Variants in DNAJB6 observed in about 807,000 individuals in gnomAD.
DNAJB6 encodes dnaJ homolog subfamily B member 6.
Under a neutral mutation model 42.7 loss-of-function variants are expected in DNAJB6, and 16 were observed. That is an observed-to-expected ratio of 0.37 (90% CI 0.25 to 0.57). The LOEUF (loss-of-function observed/expected upper bound fraction) is 0.57, where lower values mean the gene tolerates loss of function less well. Ranked by LOEUF, DNAJB6 falls within the 20% of genes least tolerant of loss-of-function variation. DNAJB6 has a pLI of 0.74. For synonymous variants in DNAJB6, 170 were observed against 163.5 expected, an observed-to-expected ratio of 1.04 and a Z score of -0.30; for missense variants, 347 against 416.8, an observed-to-expected ratio of 0.83 and a Z score of 1.46.
rs186856943 is a variant in DNAJB6 at position 157,341,370 on chromosome 7, C to T, written c.-27+4226C>T. 2.2e-3 allele frequency among the ~76,000 whole-genome samples: 327 copies of T among 152,022 alleles called. 2 individuals are homozygous for T. The highest frequency in any genetic ancestry group is 3.5e-3 in the Admixed American group (53 of 15,270). On this transcript the variant is annotated intron_variant, in intron 1 of 9. Transcript: ENST00000262177. Reference sequence around the variant, plus strand: ...TGAACTCTTGACCTCGTGATCCACCCGCCTCGGCCTCCCAAAGTGGTGGGA... The same window carrying T: ...TGAACTCTTGACCTCGTGATCCACCTGCCTCGGCCTCCCAAAGTGGTGGGA...
At chr7:157,367,295 A>G (rs1343602990) in intron 4 of DNAJB6, 78 bp from the exon 5 acceptor site, 3 of 952,980 alleles carry the variant, frequency 3.1e-6, no homozygotes, top group Non-Finnish European at 5.1e-6. Flanking sequence ...TGATTTGTAT[A>G]ATGTTTTGTC....
At chr7:157,403,206 C>A (rs1042293840) in intron 8 of DNAJB6, among the ~76,000 whole-genome samples, 1 of 152,078 alleles carries the variant, frequency 6.6e-6, no homozygotes, top group African/African-American at 2.4e-5. Context: ...ACACAATCCA[C>A]ATATGAGAGG....
intron 8 of DNAJB6, among the ~76,000 whole-genome samples, chr7:157,409,212 G>T (rs186652273): frequency 3.0e-4 from 46 of 152,234 alleles, no homozygotes; most frequent in African/African-American, 1.0e-3. Flanking sequence ...ACTTTTCAGA[G>T]CGTTGAGAAG....
chr7:157,397,592 A>G (rs956286057), intron 8 of DNAJB6, among the ~76,000 whole-genome samples: 5 of 152,120 alleles, frequency 3.3e-5, no homozygotes, highest in African/African-American at 1.2e-4. Flanking sequence ...CTGTGTCCCC[A>G]TGTGTGCTCC....
intron 6 of DNAJB6, among the ~76,000 whole-genome samples, chr7:157,383,514 T>A (rs1800892371): frequency 6.6e-6 from 1 of 152,158 alleles, no homozygotes; most frequent in African/African-American, 2.4e-5. Flanking sequence ...TCTCATTTGA[T>A]ACCATGGAAT....
intron 1 of DNAJB6, among the ~76,000 whole-genome samples, chr7:157,343,504 T>C (rs1283831335): frequency 6.6e-6 from 1 of 152,102 alleles, no homozygotes; most frequent in Non-Finnish European, 1.5e-5. Context: ...AGTCTTGCTC[T>C]GTTGCCCCGG....
At chr7:157,375,230 A>G (rs185168892) in intron 5 of DNAJB6, among the ~76,000 whole-genome samples, 38 of 152,300 alleles carry the variant, frequency 2.5e-4, no homozygotes, top group African/African-American at 8.4e-4. Context: ...TGAATCGGCC[A>G]TCTGCGAGTA....
At position 157,337,074 on chromosome 7, in the gene DNAJB6, T is replaced by C; in HGVS notation, c.-97T>C. On this transcript the variant is annotated 5_prime_UTR_variant, in exon 1 of 10. Transcript: ENST00000262177. ...GCCGCCACCACCAGCGCAGCAGTCC[T>C]GGAGCTGTGAGGAGATTCGGGCCGT... 1 of 152,778 alleles carries C rather than the reference T, an allele frequency of 6.5e-6. No individual in the cohort carries two copies. The allele number at this position is 152,778 out of a possible 1,614,324, so 9.5% of individuals were successfully genotyped here.
intron 1 of DNAJB6, among the ~76,000 whole-genome samples, chr7:157,338,054 G>A (rs1798144303): frequency 6.6e-6 from 1 of 152,164 alleles, no homozygotes; most frequent in African/African-American, 2.4e-5. Flanking sequence ...GCTCTTTGTA[G>A]TTTTCAACGT....
chr7:157,365,905 C>T (rs553157108), intron 3 of DNAJB6, among the ~76,000 whole-genome samples: 3 of 151,780 alleles, frequency 2.0e-5, no homozygotes, highest in Admixed American at 6.6e-5. Flanking sequence ...CTCAGGTGAT[C>T]GGCCCTTCTC....
chr7:157,358,720 G>GA, intron 2 of DNAJB6, 83 bp downstream of exon 2: 2 of 1,139,840 alleles, frequency 1.8e-6, no homozygotes, highest in Non-Finnish European at 2.6e-6. Flanking sequence ...TATTGCCTAT[G>GA]AAAATGGCTT....
In DNAJB6 at chr7:157,355,271, C is replaced by T. The variant is rs181268459; in HGVS notation, c.-26-3276C>T. ...GCCTCCCGGGGTTCACGCCGTTCTC[C>T]TGCCTCACCATCCCGAGTAGCTGGG... On this transcript the variant is annotated intron_variant, in intron 1 of 9. Coordinates refer to ENST00000262177, the MANE Select transcript of DNAJB6 (RefSeq NM_058246.4). Among the ~76,000 whole-genome samples the T allele has an allele frequency of 1.6e-3, 247 of 152,352 alleles. 2 individuals carry two copies. Among genetic ancestry groups the T allele is most frequent in the Admixed American group, 4.7e-3 (72 of 15,310 alleles).
intron 8 of DNAJB6, among the ~76,000 whole-genome samples, chr7:157,398,685 G>C (rs1273816311): frequency 6.6e-6 from 1 of 152,218 alleles, no homozygotes; most frequent in East Asian, 1.9e-4. Context: ...TTACAAAACA[G>C]GATGTTTTCT....
chr7:157,409,108 C>T (rs1312946813), intron 8 of DNAJB6, among the ~76,000 whole-genome samples: 1 of 152,196 alleles, frequency 6.6e-6, no homozygotes, highest in African/African-American at 2.4e-5. Flanking sequence ...TGTTTTTATT[C>T]CTCAGCGTTC....
intron 8 of DNAJB6, among the ~76,000 whole-genome samples, chr7:157,392,099 CA>C (rs57861175): frequency 0.11 from 12,468 of 112,120 alleles, 512 homozygotes; most frequent in East Asian, 0.22. Flanking sequence ...GACCCTGTCT[CA>C]AAAAAAAAAA....
rs142165399 is a variant in DNAJB6 at position 157,416,145 on chromosome 7, C to T, written c.*47C>T. The T allele has an allele frequency of 1.3e-4, 203 of 1,594,290 alleles. No homozygotes were observed. The African/African-American group carries it at 1.7e-3, about 13-fold the overall frequency. On this transcript the variant is annotated 3_prime_UTR_variant, in exon 10 of 10. Coordinates refer to ENST00000262177, the MANE Select transcript of DNAJB6 (RefSeq NM_058246.4). ...GCACCCCCAGACGCTGGCGCTCCAC[C>T]GTGCTCGGCATGCGGTCGTGCACAC...
At chr7:157,350,210 C>T (rs867935286) in intron 1 of DNAJB6, among the ~76,000 whole-genome samples, 2 of 152,114 alleles carry the variant, frequency 1.3e-5, no homozygotes, top group Non-Finnish European at 2.9e-5. Flanking sequence ...CTGTGTTGGA[C>T]TGGGGGCACT....
At chr7:157,388,916 A>G (rs754063395) in intron 8 of DNAJB6, among the ~76,000 whole-genome samples, 7 of 152,230 alleles carry the variant, frequency 4.6e-5, no homozygotes, top group Non-Finnish European at 8.8e-5. Flanking sequence ...TAGATTCCAA[A>G]GATTCCAGGC....
At chr7:157,347,230 C>T (rs936013295) in intron 1 of DNAJB6, among the ~76,000 whole-genome samples, 4 of 152,144 alleles carry the variant, frequency 2.6e-5, no homozygotes, top group Non-Finnish European at 5.9e-5. Flanking sequence ...GTCTTACTGG[C>T]ATTTGATGAA....
Sources: gnomAD v4.1 joint callset for allele counts (sites outside exome capture counted in the v4.1 genomes callset) on GRCh38, gnomAD v4.1.1 for gene constraint, MANE v1.5 for transcripts, NCBI Gene and HGNC (gene_info 2026-07-23, HGNC 2026-07-21) for gene names.